Variants in RERE observed in about 807,000 individuals in gnomAD.
RERE encodes the protein arginine-glutamic acid dipeptide repeats.
Under a neutral mutation model 146.1 loss-of-function variants are expected in RERE, and 40 were observed. That is an observed-to-expected ratio of 0.27 (90% CI 0.21 to 0.36). The LOEUF is 0.36. RERE is among the 10% of genes least tolerant of loss of function. The probability of loss-of-function intolerance (pLI) is 1.00; values close to 1 mark genes in which losing one functional copy is unlikely to be tolerated. For missense variants in RERE, 1,933 were observed against 2,138.7 expected, an observed-to-expected ratio of 0.90 and a Z score of 1.90; for synonymous variants, 1,003 against 866.0, an observed-to-expected ratio of 1.16 and a Z score of -2.78.
At chr1:8,371,415 G>A (rs1028825130) in intron 12 of RERE, among the ~76,000 whole-genome samples, 10 of 152,150 alleles carry the variant, frequency 6.6e-5, no homozygotes, top group African/African-American at 1.7e-4. Flanking sequence ...GAAAAACAAG[G>A]GGAAGGGAGT....
chr1:8,778,628 G>A (rs906872740), intron 1 of RERE, among the ~76,000 whole-genome samples: 1 of 152,126 alleles, frequency 6.6e-6, no homozygotes, highest in African/African-American at 2.4e-5. Context: ...CTTGAGCCCA[G>A]GAGTTCAAGA....
At chr1:8,362,565 C>A in intron 16 of RERE, 118 bp downstream of exon 16, 1 of 1,335,246 alleles carries the variant, frequency 7.5e-7, no homozygotes. Flanking sequence ...GGTGTCCAGA[C>A]AGGCTCCATG....
At position 8,355,449 on chromosome 1, in the gene RERE, C is replaced by T; in HGVS notation, c.4637G>A (p.Gly1546Asp). 6.2e-7 allele frequency: 1 copy of T among 1,613,046 alleles called. No homozygotes were observed. ...WLHGHPHMHG[G>D]HLPSQEDYYS... is the part of the protein sequence containing the mutation. ...ATAATCTTCCTGACTTGGTAGGTGG[C>T]CACCATGCATGTGGGGGTGTCCATG... is the stretch of plus-strand genomic sequence containing the variant. Residue 1546 changes from glycine (G) to aspartate (D), a missense_variant, in exon 22 of 23, where the codon GGC becomes GAC. Gly to Asp is a moderately conservative substitution (Grantham distance 94, BLOSUM62 -1). Around this residue, in one of 11 missense-constraint regions of RERE, gnomAD observed 133 missense variants for 168.6 expected, o/e 0.79. Coordinates refer to ENST00000400908, the MANE Select transcript of RERE (RefSeq NM_001042681.2).
In RERE at chr1:8,356,005, T is replaced by G; in HGVS notation, c.4486+95A>C. ...GGAGCGAACCCACCTGCTCAATGCA[T>G]GAATGAATGAATGAGTAATGAATGA... is the stretch of plus-strand genomic sequence containing the variant. On this transcript the variant is annotated intron_variant, in intron 21 of 22. Coordinates refer to ENST00000400908, the MANE Select transcript of RERE (RefSeq NM_001042681.2). The surrounding 1 kb of genome is among the most constrained non-coding windows in gnomAD (Gnocchi z 5.2). 7.7e-7 allele frequency: 1 copy of G among 1,292,590 alleles called. No individual in the cohort carries two copies. The highest frequency in any genetic ancestry group is 1.0e-6 in the Non-Finnish European group (1 of 967,150). 80.1% of individuals were successfully genotyped at this position (1,292,590 alleles called of 1,614,324 possible). A position where few individuals can be genotyped will look rare whatever the true frequency, so the allele number is the denominator to read the frequency against.
intron 4 of RERE, among the ~76,000 whole-genome samples, chr1:8,593,920 A>ATC (rs1646524805): frequency 6.6e-6 from 1 of 152,162 alleles, no homozygotes; most frequent in African/African-American, 2.4e-5. Context: ...AGGAGACTAG[A>ATC]TACCTGAGGT....
At chr1:8,804,728 G>C (rs1445754514) in intron 1 of RERE, among the ~76,000 whole-genome samples, 3 of 147,064 alleles carry the variant, frequency 2.0e-5, no homozygotes, top group South Asian at 2.2e-4. Flanking sequence ...GAACTGATGT[G>C]AGAAAGTGGA....
chr1:8,532,162 A>G (rs1181278606), intron 7 of RERE, among the ~76,000 whole-genome samples: 2 of 152,210 alleles, frequency 1.3e-5, no homozygotes, highest in South Asian at 2.1e-4. Flanking sequence ...AGGCATTCTT[A>G]TATTCTATAA....
intron 12 of RERE, among the ~76,000 whole-genome samples, chr1:8,421,820 G>A (rs909234343): frequency 2.0e-5 from 3 of 152,114 alleles, no homozygotes; most frequent in Admixed American, 1.3e-4. Flanking sequence ...CAATGTCTAG[G>A]CAGATTAAAC....
rs201384973 is a variant in RERE, at chr1:8,601,806, TAGAG to T, written c.522+12751_522+12754del. ...ACACACACAGACACACATCTTCTATTAGAGAGAACCGAAGGCATTTGACAGCTGC... is the reference window on the plus strand; with the variant it reads ...ACACACACAGACACACATCTTCTATTAGAACCGAAGGCATTTGACAGCTGC... On this transcript the variant is annotated intron_variant, in intron 4 of 22. Transcript: ENST00000400908. 5.5e-3 allele frequency among the ~76,000 whole-genome samples: 831 copies of T among 151,556 alleles called. 11 individuals are homozygous for T. The highest frequency in any genetic ancestry group is 0.019 in the African/African-American group (803 of 41,270).
rs571479650 is a variant in RERE at position 8,488,191 on chromosome 1, G to A, written c.1104+6872C>T. ...TTAGGATGTCAGTATTTCCCAAACT[G>A]ATCCATAAATTCAATAGAATCCCAA... On this transcript the variant is annotated intron_variant, in intron 10 of 22. Coordinates refer to ENST00000400908, the MANE Select transcript of RERE (RefSeq NM_001042681.2). 2.4e-3 allele frequency among the ~76,000 whole-genome samples: 364 copies of A among 151,648 alleles called. 2 individuals carry two copies. The highest frequency in any genetic ancestry group is 8.4e-3 in the African/African-American group (347 of 41,310).
chr1:8,408,083 A>C (rs1643502445), intron 12 of RERE, among the ~76,000 whole-genome samples: 1 of 152,174 alleles, frequency 6.6e-6, no homozygotes, highest in Non-Finnish European at 1.5e-5. Flanking sequence ...GCAAACACAG[A>C]GGGAGAACAT....
At chr1:8,480,145 T>G (rs1204116224) in intron 10 of RERE, among the ~76,000 whole-genome samples, 1 of 77,782 alleles carries the variant, frequency 1.3e-5, no homozygotes, top group African/African-American at 5.4e-5. Flanking sequence ...TTTTTTTTGT[T>G]TTTTTTTTTT....
chr1:8,366,466 C>T (rs1234970908), intron 12 of RERE, among the ~76,000 whole-genome samples: 2 of 152,302 alleles, frequency 1.3e-5, no homozygotes, highest in South Asian at 2.1e-4. Flanking sequence ...CCCCCAGAAA[C>T]AACCAACCAA....
chr1:8,712,760 AG>A (rs1639693499), intron 1 of RERE, among the ~76,000 whole-genome samples: 8 of 152,148 alleles, frequency 5.3e-5, no homozygotes, highest in Admixed American at 5.2e-4. Context: ...CAAGGGCTTT[AG>A]AAAAATTCAA....
At position 8,635,947 on chromosome 1, in the gene RERE, T is replaced by TTTATCTTATC. The variant is rs779134387; in HGVS notation, c.326-11577_326-11568dup. Among the ~76,000 whole-genome samples the TTTATCTTATC allele has an allele frequency of 3.2e-3, 342 of 108,418 alleles. 4 individuals are homozygous for TTTATCTTATC. The highest frequency in any genetic ancestry group is 0.012 in the Admixed American group (139 of 11,682). 71.1% of individuals were successfully genotyped at this position (108,418 alleles called of 152,430 possible). On this transcript the variant is annotated intron_variant, in intron 2 of 22. Transcript: ENST00000400908. ...TGTATGTCTTCAATTATTATTTTAT[T>TTTATCTTATC]TTATCTTATCTTATCTTATCTTATC...
intron 1 of RERE, among the ~76,000 whole-genome samples, chr1:8,785,188 C>A (rs1471735409): frequency 6.6e-6 from 1 of 152,176 alleles, no homozygotes; most frequent in East Asian, 1.9e-4. Flanking sequence ...ATTTACATGC[C>A]CCCTCAGTAT....
chr1:8,396,208 C>T (rs906018858), intron 12 of RERE, among the ~76,000 whole-genome samples: 3 of 152,180 alleles, frequency 2.0e-5, no homozygotes, highest in Non-Finnish European at 4.4e-5. Flanking sequence ...GGCTGCTGTG[C>T]TATCACTTGG....
intron 1 of RERE, among the ~76,000 whole-genome samples, chr1:8,749,587 T>A (rs1002864445): frequency 6.6e-6 from 1 of 152,226 alleles, no homozygotes; most frequent in East Asian, 1.9e-4. Flanking sequence ...TTATGATGAA[T>A]GCAATACACC....
At chr1:8,540,637 A>C (rs914170007) in intron 7 of RERE, among the ~76,000 whole-genome samples, 8 of 152,174 alleles carry the variant, frequency 5.3e-5, no homozygotes, top group Middle Eastern at 3.2e-3. Context: ...TTGTTAAATT[A>C]CTCTGACCCT....
Sources: allele counts gnomAD v4.1 joint callset (sites outside exome capture counted in the v4.1 genomes callset), GRCh38; gene constraint gnomAD v4.1.1; regional missense constraint gnomAD v4.1.1; non-coding constraint Gnocchi (gnomAD v3.1); transcripts MANE v1.5; gene names NCBI Gene and HGNC (gene_info 2026-07-23, HGNC 2026-07-21).